Variants in CHD1L observed in about 807,000 individuals in gnomAD.
The protein encoded by CHD1L is ATP-dependent chromatin remodeler CHD1L.
A neutral mutation model predicts 115.9 loss-of-function variants in CHD1L; 118 were observed. The observed-to-expected ratio is 1.02, with a 90% CI of 0.88 to 1.19. CHD1L has a LOEUF of 1.19. Ranked by LOEUF, CHD1L falls within the 50% of genes most tolerant of loss-of-function variation. The probability of loss-of-function intolerance (pLI) is 0.00; values close to 1 mark genes in which losing one functional copy is unlikely to be tolerated. For missense variants in CHD1L, 1,179 were observed against 1,065.3 expected (o/e 1.11, Z -1.49); for synonymous variants, 411 against 387.1 (o/e 1.06, Z -0.72).
intron 19 of CHD1L, among the ~76,000 whole-genome samples, chr1:147,290,749 G>C (rs1685201581): frequency 6.6e-6 from 1 of 152,078 alleles, no homozygotes; most frequent in Admixed American, 6.6e-5. Context: ...GAACTCCTTT[G>C]CTCAAGAGAT....
chr1:147,213,369 A>C, the CHD1L span: 1 of 1,613,790 alleles, frequency 6.2e-7, no homozygotes, highest in African/African-American at 1.3e-5. Context: ...CCATGACTCC[A>C]TCAAAGACAT....
rs117136975 is a variant in CHD1L at position 147,283,284 on chromosome 1, G to C, written c.1706-1067G>C. Among the ~76,000 whole-genome samples, 9 of 152,270 alleles carry C rather than the reference G, an allele frequency of 5.9e-5. No homozygotes were observed. The East Asian group carries it at 1.5e-3, about 26-fold the overall frequency. On this transcript the variant is annotated intron_variant, in intron 15 of 22. Coordinates refer to ENST00000369258, the MANE Select transcript of CHD1L (RefSeq NM_004284.6). The stretch of plus-strand genomic sequence containing the variant: ...GCTGGTTAGATTTGGGTACAAGTGT[G>C]AAGCAATTGATCTCTTGAGAATGAA...
At chr1:147,260,777 T>G (rs1330967128) in intron 6 of CHD1L, 1 of 152,234 alleles carries the variant, frequency 6.6e-6, no homozygotes, top group Non-Finnish European at 1.5e-5. Flanking sequence ...ATAATACACT[T>G]GCTTTCATTC....
the CHD1L span, chr1:147,225,363 C>G: frequency 0.53 from 144,069 of 273,616 alleles, 40,107 homozygotes; most frequent in East Asian, 0.88. Context: ...TGTCAAATTA[C>G]TATAAACCAA....
intron 1 of CHD1L, among the ~76,000 whole-genome samples, chr1:147,248,093 C>T (rs1263564553): frequency 6.6e-6 from 1 of 152,148 alleles, no homozygotes; most frequent in African/African-American, 2.4e-5. Flanking sequence ...TTGTGAGGGC[C>T]ACTATTTTGT....
At chr1:147,212,761 A>T in the CHD1L span, among the ~76,000 whole-genome samples, 6 of 152,208 alleles carry the variant, frequency 3.9e-5, no homozygotes, top group Non-Finnish European at 5.9e-5. Flanking sequence ...TGCTTAACTC[A>T]GGATGTGTTT....
chr1:147,208,226 T>A, the CHD1L span, among the ~76,000 whole-genome samples: 1 of 152,164 alleles, frequency 6.6e-6, no homozygotes, highest in Non-Finnish European at 1.5e-5. Flanking sequence ...TCATAACAGG[T>A]ACTCAATGAG....
the CHD1L span, among the ~76,000 whole-genome samples, chr1:147,211,840 G>T: frequency 6.6e-6 from 1 of 152,218 alleles, no homozygotes; most frequent in Non-Finnish European, 1.5e-5. Context: ...GCCAGGGCAA[G>T]CTGCTTGCAT....
At chr1:147,201,471 G>T in the CHD1L span, 2 of 1,613,916 alleles carry the variant, frequency 1.2e-6, no homozygotes, top group African/African-American at 1.3e-5. Flanking sequence ...GATTTGGCAG[G>T]TCATCATTTA....
intron 8 of CHD1L, among the ~76,000 whole-genome samples, chr1:147,266,411 T>G (rs916305958): frequency 1.3e-4 from 20 of 152,300 alleles, no homozygotes; most frequent in Admixed American, 1.1e-3. Flanking sequence ...TCATTCACAG[T>G]TTTGCTTTCC....
At chr1:147,267,650 G>T in intron 9 of CHD1L, 132 bp downstream of exon 9, 1 of 643,238 alleles carries the variant, frequency 1.6e-6, no homozygotes, top group Admixed American at 3.2e-5. Context: ...CTCTGTATTG[G>T]TATTAACTCA....
At chr1:147,283,409 C>T (rs1681714846) in intron 15 of CHD1L, among the ~76,000 whole-genome samples, 1 of 152,188 alleles carries the variant, frequency 6.6e-6, no homozygotes, top group Non-Finnish European at 1.5e-5. Context: ...ACTAAATATG[C>T]TTCCCGATTC....
At chr1:147,208,772 G>T in the CHD1L span, 1 of 1,171,790 alleles carries the variant, frequency 8.5e-7, no homozygotes, top group Non-Finnish European at 1.3e-6. Context: ...GGTAGAGGTG[G>T]CTTTACTATT....
At chr1:147,242,628 C>T, upstream of CHD1L, 1 of 1,229,938 alleles carries the variant, frequency 8.1e-7, no homozygotes, top group Non-Finnish European at 1.0e-6. Flanking sequence ...AGCGCGCAGT[C>T]GCGCGCCCCC....
At chr1:147,210,689 C>T in the CHD1L span, 2 of 152,220 alleles carry the variant, frequency 1.3e-5, no homozygotes, top group East Asian at 3.9e-4. Flanking sequence ...AATAATAATA[C>T]ATATATCACA....
At chr1:147,203,646 A>G in the CHD1L span, 3 of 1,349,952 alleles carry the variant, frequency 2.2e-6, no homozygotes, top group Admixed American at 3.4e-5. Context: ...AGTCCAGGAC[A>G]TGTCTCTCCA....
intron 6 of CHD1L, among the ~76,000 whole-genome samples, chr1:147,261,861 G>A (rs150033058): frequency 6.4e-4 from 98 of 152,204 alleles, no homozygotes; most frequent in East Asian, 5.6e-3. Flanking sequence ...GGATACTGCC[G>A]TTTTTTATTT....
the CHD1L span, among the ~76,000 whole-genome samples, chr1:147,220,059 C>T: frequency 5.6e-3 from 855 of 152,066 alleles, 11 homozygotes; most frequent in Middle Eastern, 0.02. Flanking sequence ...AGGCTGGTCT[C>T]GATCTCCTGA....
intron 10 of CHD1L, 128 bp from the exon 11 acceptor site, chr1:147,270,804 A>T: frequency 1.4e-6 from 1 of 735,816 alleles, no homozygotes; most frequent in Non-Finnish European, 2.3e-6. Flanking sequence ...TCTATAAATC[A>T]TACGACACTT....
Sources: allele counts gnomAD v4.1 joint callset (sites outside exome capture counted in the v4.1 genomes callset), GRCh38; gene constraint gnomAD v4.1.1; transcripts MANE v1.5; gene names NCBI Gene and HGNC (gene_info 2026-07-23, HGNC 2026-07-21).